ROS1: variants seen among roughly 807,000 people sequenced by gnomAD.
The protein encoded by ROS1 is ROS proto-oncogene 1, receptor tyrosine kinase, also known as proto-oncogene tyrosine-protein kinase ROS.
ROS1 carries 263 observed loss-of-function variants against 273.5 expected under a neutral mutation model. The ratio of observed to expected loss-of-function variants is 0.96; its 90% confidence interval spans 0.87 to 1.06. ROS1 has a LOEUF of 1.06. Among genes scored for constraint, ROS1 ranks in the 50% least tolerant of loss-of-function variants. The pLI, the probability that ROS1 is intolerant of heterozygous loss-of-function variation, is 0.00. For missense variants in ROS1, 2,833 were observed against 2,751.1 expected, an observed-to-expected ratio of 1.03 and a Z score of -0.67; for synonymous variants, 1,008 against 954.1, an observed-to-expected ratio of 1.06 and a Z score of -1.04.
At chr6:117,391,352 C>T (rs1773049446) in intron 12 of ROS1, among the ~76,000 whole-genome samples, 1 of 151,708 alleles carries the variant, frequency 6.6e-6, no homozygotes, top group Non-Finnish European at 1.5e-5. Flanking sequence ...GTAAATATTA[C>T]AATTATTATA....
chr6:117,318,371 C>A, intron 37 of ROS1, 119 bp from the exon 38 acceptor site: 2 of 734,332 alleles, frequency 2.7e-6, no homozygotes, highest in South Asian at 3.3e-5. Context: ...GGAAACAGAT[C>A]GTAGATAAAA....
intron 24 of ROS1, among the ~76,000 whole-genome samples, chr6:117,359,345 C>G (rs1297726637): frequency 6.6e-6 from 1 of 152,156 alleles, no homozygotes; most frequent in Non-Finnish European, 1.5e-5. Flanking sequence ...CATGGATTAT[C>G]TCATTTAATC....
chr6:117,345,565 G>A (rs1195433247), intron 27 of ROS1, among the ~76,000 whole-genome samples: 2 of 152,108 alleles, frequency 1.3e-5, no homozygotes, highest in African/African-American at 2.4e-5. Flanking sequence ...ATGTGTTGTC[G>A]ATCCTTATGA....
At chr6:117,349,140 T>C (rs532696263) in intron 27 of ROS1, among the ~76,000 whole-genome samples, 1 of 152,114 alleles carries the variant, frequency 6.6e-6, no homozygotes, top group South Asian at 2.1e-4. Context: ...TAGTGATTTT[T>C]TTTCTGCTGG....
At chr6:117,362,562 C>T (rs201069706) in intron 22 of ROS1, 41 bp downstream of exon 22, 27 of 1,571,394 alleles carry the variant, frequency 1.7e-5, no homozygotes, top group East Asian at 1.6e-4. Flanking sequence ...CCCACAATGC[C>T]GCTATTAAGA....
At chr6:117,292,308 G>A (rs1028033507) in intron 43 of ROS1, among the ~76,000 whole-genome samples, 1 of 152,156 alleles carries the variant, frequency 6.6e-6, no homozygotes, top group African/African-American at 2.4e-5. Flanking sequence ...ACATTAGAAG[G>A]AAAGGATTCC....
At chr6:117,336,885 T>A (rs1476223385) in intron 32 of ROS1, among the ~76,000 whole-genome samples, 1 of 152,132 alleles carries the variant, frequency 6.6e-6, no homozygotes, top group Non-Finnish European at 1.5e-5. Flanking sequence ...GTAACACTAT[T>A]TTCATATAGT....
chr6:117,409,287 CA>C (rs1406162388), intron 5 of ROS1, among the ~76,000 whole-genome samples: 5 of 152,028 alleles, frequency 3.3e-5, no homozygotes, highest in African/African-American at 1.2e-4. Flanking sequence ...TCAGGATGTA[CA>C]TTTGTCTGTC....
intron 22 of ROS1, among the ~76,000 whole-genome samples, chr6:117,361,761 T>A (rs1443878365): frequency 1.3e-5 from 2 of 151,682 alleles, no homozygotes; most frequent in East Asian, 3.9e-4. Flanking sequence ...GAAAAACAAA[T>A]CCCTACACAA....
At chr6:117,371,953 C>A (rs1335796172) in intron 18 of ROS1, among the ~76,000 whole-genome samples, 2 of 152,202 alleles carry the variant, frequency 1.3e-5, no homozygotes, top group East Asian at 3.9e-4. Context: ...ACATGCCTAA[C>A]CCTGCCCCAA....
At chr6:117,394,486 T>C in intron 10 of ROS1, 130 bp downstream of exon 10, 1 of 834,642 alleles carries the variant, frequency 1.2e-6, no homozygotes, top group Non-Finnish European at 1.6e-6. Flanking sequence ...TTCTTCTAAA[T>C]TATTCTAATA....
In ROS1 at chr6:117,387,907, T is replaced by C; in HGVS notation, c.1872A>G (p.Ile624Met). Residue 624 changes from isoleucine to methionine, a missense_variant, in exon 14 of 44, where the codon ATA becomes ATG. Ile to Met is a conservative substitution (Grantham distance 10, BLOSUM62 1). Coordinates refer to ENST00000368507, the MANE Select transcript of ROS1 (RefSeq NM_001378902.1). ...CAGGTACATTCAGCATGGTTCCACTTATGTTCAAGAAAATATGAGTGACTT... is the reference window on the plus strand; with the variant it reads ...CAGGTACATTCAGCATGGTTCCACTCATGTTCAAGAAAATATGAGTGACTT... ...PPEVTHIFLN[I>M]SGTMLNVPEL... The C allele has an allele frequency of 1.9e-6, 3 of 1,614,208 alleles. No homozygotes were observed. The highest frequency in any genetic ancestry group is 2.5e-6 in the Non-Finnish European group (3 of 1,180,022).
At chr6:117,372,088 G>A (rs984409001) in intron 18 of ROS1, among the ~76,000 whole-genome samples, 1 of 152,088 alleles carries the variant, frequency 6.6e-6, no homozygotes, top group Non-Finnish European at 1.5e-5. Context: ...GCATAGAAGG[G>A]GCATATCTTA....
chr6:117,351,258 C>CGACG (rs1464558977), intron 27 of ROS1, among the ~76,000 whole-genome samples: 2 of 152,176 alleles, frequency 1.3e-5, no homozygotes, highest in African/African-American at 4.8e-5. Context: ...AGGTGGGACA[C>CGACG]GACGGCTGGA....
At chr6:117,289,815 C>T (rs1773703076) in intron 43 of ROS1, among the ~76,000 whole-genome samples, 1 of 152,080 alleles carries the variant, frequency 6.6e-6, no homozygotes, top group Admixed American at 6.6e-5. Context: ...GTGTTGAACA[C>T]CTGTGGAAGG....
intron 35 of ROS1, among the ~76,000 whole-genome samples, chr6:117,323,071 A>T (rs984549439): frequency 6.6e-6 from 1 of 152,170 alleles, no homozygotes; most frequent in Non-Finnish European, 1.5e-5. Context: ...TGCCAAATAT[A>T]CTGCAGTCAT....
At chr6:117,305,998 C>T (rs1172971591) in intron 42 of ROS1, among the ~76,000 whole-genome samples, 1 of 150,206 alleles carries the variant, frequency 6.7e-6, no homozygotes, top group Non-Finnish European at 1.5e-5. Context: ...CCTCCACTCA[C>T]CATGCAAACT....
chr6:117,326,347 T>C lies in ROS1; in HGVS notation c.5416A>G (p.Ser1806Gly), dbSNP rs981579627. The C allele has an allele frequency of 6.3e-7, 1 of 1,593,520 alleles. No homozygotes were observed. Among genetic ancestry groups the C allele is most frequent in the Non-Finnish European group, 8.5e-7 (1 of 1,173,472 alleles). The change falls in exon 34 of 44, where the codon AGT becomes GGT. Residue 1806 changes from serine (S) to glycine (G), a missense_variant. Coordinates refer to ENST00000368507, the MANE Select transcript of ROS1 (RefSeq NM_001378902.1). ...TTGGACTTCCATGTGCAAACACTAC[T>C]GCAGGATCCATTAAATGTCATCTTC... is the stretch of plus-strand genomic sequence containing the variant. ...RWKMTFNGSC[S>G]SVCTWKSKNL...
chr6:117,343,887 T>C (rs1707536087), intron 28 of ROS1, among the ~76,000 whole-genome samples, 173 bp downstream of exon 28: 1 of 152,168 alleles, frequency 6.6e-6, no homozygotes, highest in African/African-American at 2.4e-5. Flanking sequence ...AAGCTTAACT[T>C]ACTCCCAGTC....
Sources: gnomAD v4.1 joint callset for allele counts (sites outside exome capture counted in the v4.1 genomes callset) on GRCh38, gnomAD v4.1.1 for gene constraint, MANE v1.5 for transcripts, NCBI Gene and HGNC (gene_info 2026-07-23, HGNC 2026-07-21) for gene names.